Variants in COL24A1 observed in about 807,000 individuals in gnomAD.
COL24A1 encodes collagen alpha-1(XXIV) chain.
COL24A1 carries 224 observed loss-of-function variants against 253.9 expected under a neutral mutation model. The ratio of observed to expected loss-of-function variants is 0.88; its 90% CI spans 0.79 to 0.99. The LOEUF (loss-of-function observed/expected upper bound fraction) is 0.99. Ranked by LOEUF, COL24A1 falls within the 50% of genes least tolerant of loss-of-function variation. The pLI, the probability that COL24A1 is intolerant of heterozygous loss-of-function variation, is 0.00. For synonymous variants in COL24A1, 685 were observed against 673.7 expected, an observed-to-expected ratio of 1.02 and a Z score of -0.26; for missense variants, 2,131 against 2,068.5, an observed-to-expected ratio of 1.03 and a Z score of -0.59.
intron 37 of COL24A1, among the ~76,000 whole-genome samples, chr1:85,858,663 C>CCTTCCTTCCTTT (rs1678771808): frequency 6.7e-6 from 1 of 150,358 alleles, no homozygotes; most frequent in African/African-American, 2.4e-5. Flanking sequence ...TTCCTTCCTT[C>CCTTCCTTCCTTT]CTTCCTTCCT....
At chr1:85,974,295 G>C (rs994901892) in intron 20 of COL24A1, among the ~76,000 whole-genome samples, 2 of 152,040 alleles carry the variant, frequency 1.3e-5, no homozygotes, top group African/African-American at 4.8e-5. Context: ...GGCGCACCTG[G>C]AGTATTTGTG....
At chr1:85,967,240 G>A (rs1691657192) in intron 22 of COL24A1, among the ~76,000 whole-genome samples, 2 of 152,152 alleles carry the variant, frequency 1.3e-5, no homozygotes. Flanking sequence ...GCAAGGCAAA[G>A]GCTAAGAATA....
intron 53 of COL24A1, among the ~76,000 whole-genome samples, chr1:85,766,368 C>CA (rs1319642983): frequency 0.035 from 2,293 of 65,806 alleles, 123 homozygotes; most frequent in African/African-American, 0.098. Context: ...GACTCTGTCT[C>CA]AAAAAAAAAA....
At chr1:85,954,708 G>C (rs189808124) in intron 24 of COL24A1, among the ~76,000 whole-genome samples, 225 of 152,134 alleles carry the variant, frequency 1.5e-3, no homozygotes, top group African/African-American at 5.0e-3. Flanking sequence ...AATTTCCATT[G>C]CCTGAGAAAA....
At chr1:85,823,806 T>A (rs1673913852) in intron 43 of COL24A1, 68 bp from the exon 44 acceptor site, 10 of 1,381,006 alleles carry the variant, frequency 7.2e-6, no homozygotes, top group African/African-American at 1.4e-5. Context: ...TAGGATACTA[T>A]CACTTAAAAT....
At chr1:85,892,823 T>A (rs1683265281) in intron 31 of COL24A1, among the ~76,000 whole-genome samples, 1 of 152,026 alleles carries the variant, frequency 6.6e-6, no homozygotes, top group Non-Finnish European at 1.5e-5. Context: ...AAGTTTGCTG[T>A]CCCTTGACCT....
intron 3 of COL24A1, among the ~76,000 whole-genome samples, chr1:86,117,834 G>C (rs943242207): frequency 6.6e-6 from 1 of 152,102 alleles, no homozygotes; most frequent in Non-Finnish European, 1.5e-5. Flanking sequence ...AAAAAGTAAT[G>C]GTTTTGCAAT....
chr1:85,999,545 C>T (rs927429963), intron 19 of COL24A1, among the ~76,000 whole-genome samples: 1 of 152,006 alleles, frequency 6.6e-6, no homozygotes, highest in African/African-American at 2.4e-5. Context: ...ACTGCTTGAG[C>T]CTGGAGGCTG....
At chr1:86,000,655 T>C (rs1018006919) in intron 19 of COL24A1, among the ~76,000 whole-genome samples, 2 of 152,230 alleles carry the variant, frequency 1.3e-5, no homozygotes, top group African/African-American at 4.8e-5. Context: ...TTACTTGATA[T>C]AGCCAGATTT....
intron 9 of COL24A1, among the ~76,000 whole-genome samples, chr1:86,058,586 A>G (rs893738340): frequency 6.6e-6 from 1 of 151,568 alleles, no homozygotes; most frequent in Non-Finnish European, 1.5e-5. Flanking sequence ...TATGAAAGAA[A>G]GCTTGTTCTA....
At chr1:85,902,732 C>T (rs72952599) in intron 28 of COL24A1, among the ~76,000 whole-genome samples, 1,809 of 151,772 alleles carry the variant, frequency 0.012, 29 homozygotes, top group African/African-American at 0.041. Flanking sequence ...GAGAGTAGGA[C>T]GATAAATACC....
chr1:86,097,518 TC>T (rs1704045733), intron 5 of COL24A1, among the ~76,000 whole-genome samples: 1 of 3,560 alleles, frequency 2.8e-4, no homozygotes, highest in Non-Finnish European at 6.2e-4. Flanking sequence ...TCCTCCCTCC[TC>T]CTCCCTCCTC....
At chr1:86,141,803 T>A (rs1035577854) in intron 2 of COL24A1, among the ~76,000 whole-genome samples, 1 of 150,532 alleles carries the variant, frequency 6.6e-6, no homozygotes, top group African/African-American at 2.5e-5. Flanking sequence ...TGGGCTCGAG[T>A]AGTTCTTCTG....
chr1:85,747,933 A>T (rs1269855160), intron 55 of COL24A1, among the ~76,000 whole-genome samples: 1 of 152,200 alleles, frequency 6.6e-6, no homozygotes, highest in Admixed American at 6.5e-5. Flanking sequence ...TATATTGATC[A>T]TTCTGAAAAT....
intron 39 of COL24A1, among the ~76,000 whole-genome samples, chr1:85,844,107 A>T (rs921093305): frequency 6.6e-6 from 1 of 152,060 alleles, no homozygotes; most frequent in African/African-American, 2.4e-5. Flanking sequence ...TTAGCCCCAA[A>T]AAAGGAAAAG....
intron 24 of COL24A1, among the ~76,000 whole-genome samples, chr1:85,948,527 A>G (rs1339481065): frequency 3.4e-5 from 5 of 147,538 alleles, no homozygotes; most frequent in Non-Finnish European, 6.0e-5. Context: ...CCGTCTCAAA[A>G]AAAAAAAAAA....
At chr1:85,871,654 T>C (rs1173840087) in intron 35 of COL24A1, among the ~76,000 whole-genome samples, 2 of 152,190 alleles carry the variant, frequency 1.3e-5, no homozygotes, top group African/African-American at 4.8e-5. Context: ...CAGCCCTTCA[T>C]GCTAAAAACT....
At chr1:85,911,254 T>G (rs576454760) in intron 25 of COL24A1, 126 bp downstream of exon 25, 2 of 703,718 alleles carry the variant, frequency 2.8e-6, no homozygotes, top group Non-Finnish European at 2.4e-6. Context: ...TTTAAGATAT[T>G]CAGTATAGGT....
At chr1:85,788,269 T>G (rs995679797) in intron 47 of COL24A1, among the ~76,000 whole-genome samples, 1 of 152,086 alleles carries the variant, frequency 6.6e-6, no homozygotes, top group Non-Finnish European at 1.5e-5. Context: ...TTTTTTGTAT[T>G]TTTAACAGAG....
Sources: gnomAD v4.1 joint callset for allele counts (sites outside exome capture counted in the v4.1 genomes callset) on GRCh38, gnomAD v4.1.1 for gene constraint, MANE v1.5 for transcripts, NCBI Gene and HGNC (gene_info 2026-07-23, HGNC 2026-07-21) for gene names.